Variants in GPHN observed in about 807,000 individuals in gnomAD.
GPHN encodes the protein gephyrin.
A neutral mutation model predicts 95.5 loss-of-function variants in GPHN; 17 were observed. That is an observed-to-expected ratio of 0.18 (90% CI 0.12 to 0.27). GPHN has a LOEUF of 0.27. Among genes scored for constraint, GPHN ranks in the 10% least tolerant of loss-of-function variants. GPHN has a pLI of 1.00. For synonymous variants in GPHN, 320 were observed against 322.5 expected (o/e 0.99, Z 0.08); for missense variants, 660 against 978.1 (o/e 0.67, Z 4.34).
chr14:66,562,056 G>A (rs926190014), intron 1 of GPHN, among the ~76,000 whole-genome samples: 9 of 152,066 alleles, frequency 5.9e-5, no homozygotes, highest in Admixed American at 2.6e-4. Context: ...TTAAGGACTC[G>A]TGATGAGATT....
intron 2 of GPHN, among the ~76,000 whole-genome samples, chr14:66,684,753 T>C (rs1312067340): frequency 5.3e-5 from 8 of 152,170 alleles, no homozygotes; most frequent in Non-Finnish European, 1.2e-4. Context: ...CTTTTCTTTT[T>C]TTTTTTTCTT....
the GPHN span, chr14:67,647,019 T>C: frequency 3.1e-6 from 5 of 1,605,818 alleles, no homozygotes; most frequent in Non-Finnish European, 4.3e-6. Context: ...GATCTGCTGA[T>C]TGGCAAGTAA....
chr14:66,847,881 A>C (rs1596130607), intron 4 of GPHN, among the ~76,000 whole-genome samples: 1 of 152,058 alleles, frequency 6.6e-6, no homozygotes, highest in East Asian at 1.9e-4. Flanking sequence ...CTACCATCAA[A>C]TACTTCACTG....
intron 4 of GPHN, among the ~76,000 whole-genome samples, chr14:66,825,829 G>T (rs1315953404): frequency 6.6e-6 from 1 of 152,072 alleles, no homozygotes; most frequent in Non-Finnish European, 1.5e-5. Context: ...AATTTATTTA[G>T]CTTCTGGCTT....
In GPHN at chr14:67,116,481, A is replaced by G. The variant is rs1595210575; in HGVS notation, c.1626+3310A>G. ...CACTAAATAAATTATTCATGTAACC[A>G]GATACCACCTGTTCCCCAAAAATCT... On this transcript the variant is annotated intron_variant, in intron 16 of 22. Coordinates refer to ENST00000478722, the MANE Select transcript of GPHN (RefSeq NM_020806.5). Among the ~76,000 whole-genome samples, 6 of 152,236 alleles carry G rather than the reference A, an allele frequency of 3.9e-5. 2 individuals are homozygous for G. Among genetic ancestry groups the G allele is most frequent in the Middle Eastern group, 3.4e-3 (1 of 294 alleles).
the GPHN span, among the ~76,000 whole-genome samples, chr14:67,480,859 A>G: frequency 6.6e-6 from 1 of 152,154 alleles, no homozygotes; most frequent in African/African-American, 2.4e-5. Flanking sequence ...CCCAGCTGGT[A>G]ACAGACGGGA....
the GPHN span, among the ~76,000 whole-genome samples, chr14:67,274,304 G>A: frequency 1.3e-5 from 2 of 152,144 alleles, no homozygotes; most frequent in Non-Finnish European, 1.5e-5. Context: ...TTTGTATAAG[G>A]TGTAAGGAAG....
chr14:67,299,216 GT>G, the GPHN span, among the ~76,000 whole-genome samples: 1 of 152,062 alleles, frequency 6.6e-6, no homozygotes, highest in Non-Finnish European at 1.5e-5. Flanking sequence ...GAAATATCCG[GT>G]TAGATCTTAT....
chr14:67,055,943 C>T (rs1359271000), intron 10 of GPHN, among the ~76,000 whole-genome samples: 1 of 152,164 alleles, frequency 6.6e-6, no homozygotes, highest in East Asian at 1.9e-4. Context: ...TTGTTCATTC[C>T]TTCCAGTGGG....
chr14:66,576,745 T>A (rs1018559129), intron 1 of GPHN, among the ~76,000 whole-genome samples: 5 of 152,194 alleles, frequency 3.3e-5, no homozygotes, highest in Non-Finnish European at 5.9e-5. Context: ...ATTTATGTAA[T>A]CAAGACTATT....
At chr14:67,420,999 C>T in the GPHN span, among the ~76,000 whole-genome samples, 3 of 152,174 alleles carry the variant, frequency 2.0e-5, no homozygotes, top group African/African-American at 4.8e-5. Flanking sequence ...TGCAGTTGGT[C>T]AGGGACCACA....
At chr14:67,430,891 C>G in the GPHN span, among the ~76,000 whole-genome samples, 1 of 152,226 alleles carries the variant, frequency 6.6e-6, no homozygotes, top group African/African-American at 2.4e-5. Context: ...CATAAAGCCT[C>G]AAAGTGTGCA....
At chr14:67,372,645 A>G in the GPHN span, among the ~76,000 whole-genome samples, 105 of 152,314 alleles carry the variant, frequency 6.9e-4, no homozygotes, top group Admixed American at 1.9e-3. Context: ...CCTGGCCAAC[A>G]TGGTGAAACC....
In GPHN at chr14:66,681,202, C is replaced by T; in HGVS notation, c.143+17C>T. On this transcript the variant is annotated intron_variant, in intron 2 of 22. Transcript: ENST00000478722. ...TCCTTCTTTGTGAGTATTGTGCTTT[C>T]AGTATTAAGTATAAATTAAAACTTT... 1 of 1,407,304 alleles carries T rather than the reference C, an allele frequency of 7.1e-7. No homozygotes were observed. Among genetic ancestry groups the T allele is most frequent in the Non-Finnish European group, 1.0e-6 (1 of 994,384 alleles). The allele number at this position is 1,407,304 out of a possible 1,614,324, so 87.2% of individuals were successfully genotyped here. A position where few individuals can be genotyped will look rare whatever the true frequency, so the allele number is the denominator to read the frequency against.
chr14:67,164,952 A>AGAAAGT (rs1417661020), intron 19 of GPHN, among the ~76,000 whole-genome samples: 1 of 152,186 alleles, frequency 6.6e-6, no homozygotes, highest in Non-Finnish European at 1.5e-5. Flanking sequence ...TCTTTAAACC[A>AGAAAGT]GAAAGTGTGG....
the GPHN span, among the ~76,000 whole-genome samples, chr14:67,487,513 C>T: frequency 4.6e-5 from 7 of 152,258 alleles, no homozygotes; most frequent in African/African-American, 1.7e-4. Flanking sequence ...TTCTCACCTT[C>T]ACCCTGTAGT....
At chr14:66,828,694 A>T (rs1195834045) in intron 4 of GPHN, among the ~76,000 whole-genome samples, 2 of 152,102 alleles carry the variant, frequency 1.3e-5, no homozygotes, top group Admixed American at 1.3e-4. Flanking sequence ...GATGAATAGG[A>T]TGAATGAAAA....
the GPHN span, among the ~76,000 whole-genome samples, chr14:67,479,948 C>T: frequency 6.6e-6 from 1 of 152,144 alleles, no homozygotes; most frequent in Non-Finnish European, 1.5e-5. Context: ...TCCTAACTGC[C>T]TGGGTTGGAA....
At chr14:66,589,221 C>T (rs1054148665) in intron 1 of GPHN, among the ~76,000 whole-genome samples, 17 of 152,114 alleles carry the variant, frequency 1.1e-4, no homozygotes, top group African/African-American at 2.7e-4. Flanking sequence ...CTCACAAGAG[C>T]TCCTGATGGA....
Sources: allele counts gnomAD v4.1 joint callset (sites outside exome capture counted in the v4.1 genomes callset), GRCh38; gene constraint gnomAD v4.1.1; transcripts MANE v1.5; gene names NCBI Gene and HGNC (gene_info 2026-07-23, HGNC 2026-07-21).